MBD5: variants seen among roughly 807,000 people sequenced by gnomAD.
MBD5 encodes methyl-CpG-binding domain protein 5.
MBD5 carries 13 observed loss-of-function variants against 117.3 expected under a neutral mutation model. That is an observed-to-expected ratio of 0.11 (90% CI 0.07 to 0.18). MBD5 has a LOEUF of 0.18. MBD5 is among the 10% of genes least tolerant of loss of function. The pLI is 1.00. For missense variants in MBD5, 1,879 were observed against 2,093.8 expected (o/e 0.90, Z 2.00); for synonymous variants, 727 against 766.4 (o/e 0.95, Z 0.85).
chr2:148,298,913 C>T (rs116460524), intron 3 of MBD5, among the ~76,000 whole-genome samples: 1,543 of 152,220 alleles, frequency 0.01, 14 homozygotes, highest in African/African-American at 0.034. Flanking sequence ...ATAAGCAATT[C>T]TGGGTTACAG....
At chr2:148,367,552 G>C (rs1023102912) in intron 4 of MBD5, among the ~76,000 whole-genome samples, 3 of 152,062 alleles carry the variant, frequency 2.0e-5, no homozygotes, top group African/African-American at 7.2e-5. Flanking sequence ...CCTACAGAAT[G>C]GGAGAAAATT....
At chr2:148,173,131 C>CG (rs1191739861) in intron 1 of MBD5, among the ~76,000 whole-genome samples, 2 of 152,232 alleles carry the variant, frequency 1.3e-5, no homozygotes, top group Non-Finnish European at 2.9e-5. Flanking sequence ...ACACGCCCCC[C>CG]ACTCACCACA....
chr2:148,091,950 C>CTTGA (rs1489871410), intron 1 of MBD5, among the ~76,000 whole-genome samples: 2 of 152,094 alleles, frequency 1.3e-5, no homozygotes, highest in Non-Finnish European at 2.9e-5. Context: ...CTACAAGGAA[C>CTTGA]TCAAACAAAT....
intron 1 of MBD5, among the ~76,000 whole-genome samples, chr2:148,161,027 T>G (rs1371451173): frequency 6.6e-6 from 1 of 152,250 alleles, no homozygotes; most frequent in Non-Finnish European, 1.5e-5. Flanking sequence ...TTCTTCTGTG[T>G]ACTCTCTGCA....
intron 4 of MBD5, among the ~76,000 whole-genome samples, chr2:148,438,768 G>A (rs1418581292): frequency 6.6e-6 from 1 of 152,122 alleles, no homozygotes; most frequent in Admixed American, 6.5e-5. Flanking sequence ...TAGTTCTGAT[G>A]TCCAAAGCAG....
chr2:148,162,316 A>G (rs767502249), intron 1 of MBD5, among the ~76,000 whole-genome samples: 45 of 151,894 alleles, frequency 3.0e-4, no homozygotes, highest in Non-Finnish European at 5.7e-4. Flanking sequence ...ATTTACTGAG[A>G]CCCTCCCAAA....
chr2:148,346,224 GGAA>G, intron 4 of MBD5: 1 of 152,128 alleles, frequency 6.6e-6, no homozygotes, highest in South Asian at 2.1e-4. Flanking sequence ...AAGAGGAAGA[GGAA>G]GAAGAAATGG....
intron 4 of MBD5, among the ~76,000 whole-genome samples, chr2:148,405,776 T>A (rs904724598): frequency 2.0e-5 from 3 of 151,908 alleles, no homozygotes; most frequent in African/African-American, 2.4e-5. Context: ...GAGTCCTTTT[T>A]AAAAAAAAGT....
chr2:148,168,185 C>G (rs144118373), intron 1 of MBD5, among the ~76,000 whole-genome samples: 249 of 152,226 alleles, frequency 1.6e-3, no homozygotes, highest in African/African-American at 5.6e-3. Context: ...ACCTTCAAGG[C>G]TACCATGATT....
At chr2:148,218,412 A>G (rs541706915) in intron 2 of MBD5, among the ~76,000 whole-genome samples, 11 of 152,334 alleles carry the variant, frequency 7.2e-5, no homozygotes, top group Non-Finnish European at 1.0e-4. Context: ...CTATTATTCA[A>G]TTAGCTAAGA....
chr2:148,468,880 C>A lies in MBD5; in HGVS notation c.937C>A (p.Pro313Thr). ...LTTKSPVMKK[P>T]MCNFSTNMEI... ...TACAAAGAGTCCAGTAATGAAAAAA[C>A]CAATGTGTAATTTTTCAACTAATAT... is the stretch of plus-strand genomic sequence containing the variant. The change falls in exon 8 of 14, where the codon CCA becomes ACA. Residue 313 changes from proline to threonine, a missense_variant. Transcript: ENST00000642680. 2.1e-5 allele frequency: 34 copies of A among 1,613,910 alleles called. No homozygotes were observed. Among genetic ancestry groups the A allele is most frequent in the Non-Finnish European group, 2.9e-5 (34 of 1,179,914 alleles).
chr2:148,173,659 A>G (rs1475323328), intron 1 of MBD5, among the ~76,000 whole-genome samples: 1 of 152,172 alleles, frequency 6.6e-6, no homozygotes, highest in Non-Finnish European at 1.5e-5. Context: ...TAAAGAGGCT[A>G]CAGTGAGCTA....
intron 12 of MBD5, among the ~76,000 whole-genome samples, chr2:148,504,561 A>C (rs1382063301): frequency 6.6e-6 from 1 of 152,248 alleles, no homozygotes; most frequent in Non-Finnish European, 1.5e-5. Flanking sequence ...ACAGTGCTAC[A>C]GTCCCTGAAG....
chr2:148,364,992 T>C (rs895414666), intron 4 of MBD5, among the ~76,000 whole-genome samples: 21 of 152,178 alleles, frequency 1.4e-4, no homozygotes, highest in African/African-American at 5.1e-4. Flanking sequence ...GCAGACCTAA[T>C]AGACATTTAC....
intron 3 of MBD5, among the ~76,000 whole-genome samples, chr2:148,285,724 C>G (rs1559005539): frequency 6.6e-6 from 1 of 152,074 alleles, no homozygotes; most frequent in East Asian, 1.9e-4. Flanking sequence ...CTCTAATTCA[C>G]CGCATTTTTT....
chr2:148,163,551 G>A (rs1041100630), intron 1 of MBD5, among the ~76,000 whole-genome samples: 1 of 152,124 alleles, frequency 6.6e-6, no homozygotes, highest in East Asian at 1.9e-4. Flanking sequence ...AAGTAGCTGG[G>A]ATTACAGGCA....
intron 1 of MBD5, among the ~76,000 whole-genome samples, chr2:148,175,063 A>G (rs2105820430): frequency 6.6e-6 from 1 of 152,284 alleles, no homozygotes; most frequent in Middle Eastern, 3.4e-3. Context: ...ATGAATGGAT[A>G]AAAAGTAGAG....
intron 4 of MBD5, among the ~76,000 whole-genome samples, chr2:148,456,309 C>G (rs528030852): frequency 3.7e-4 from 56 of 152,268 alleles, no homozygotes; most frequent in African/African-American, 1.2e-3. Context: ...ACTGCAAACT[C>G]ACATGTTGGA....
At chr2:148,502,264 C>A in intron 11 of MBD5, 172 bp from the exon 12 acceptor site, 1 of 655,616 alleles carries the variant, frequency 1.5e-6, no homozygotes, top group South Asian at 1.8e-5. Context: ...AGCCTGGAGC[C>A]ACAGAATCAA....
Sources: allele counts gnomAD v4.1 joint callset (sites outside exome capture counted in the v4.1 genomes callset), GRCh38; gene constraint gnomAD v4.1.1; transcripts MANE v1.5; gene names NCBI Gene and HGNC (gene_info 2026-07-23, HGNC 2026-07-21).